TMEM132D: variants seen among roughly 807,000 people sequenced by gnomAD.
The protein encoded by TMEM132D is mature OL transmembrane protein.
In TMEM132D, 21 loss-of-function variants were observed where a neutral mutation model predicts 62.3. That is an observed-to-expected ratio of 0.34 (90% CI 0.24 to 0.49). The LOEUF (loss-of-function observed/expected upper bound fraction) is 0.49. TMEM132D is among the 20% of genes least tolerant of loss of function. TMEM132D has a pLI of 0.99. For synonymous variants in TMEM132D, 621 were observed against 575.6 expected, an observed-to-expected ratio of 1.08 and a Z score of -1.13; for missense variants, 1,346 against 1,402.8, an observed-to-expected ratio of 0.96 and a Z score of 0.65.
At chr12:129,889,579 A>T (rs770411295) in intron 1 of TMEM132D, among the ~76,000 whole-genome samples, 11 of 152,246 alleles carry the variant, frequency 7.2e-5, no homozygotes, top group Non-Finnish European at 1.6e-4. Context: ...ATATTATTAG[A>T]AAAGTTTTCC....
intron 2 of TMEM132D, among the ~76,000 whole-genome samples, chr12:129,646,965 AT>A (rs1879798934): frequency 1.3e-5 from 2 of 151,610 alleles, no homozygotes; most frequent in East Asian, 3.9e-4. Context: ...CGCTTGGCTA[AT>A]TTTTTGTATT....
intron 3 of TMEM132D, among the ~76,000 whole-genome samples, chr12:129,370,477 A>G (rs1870558461): frequency 6.6e-6 from 1 of 152,238 alleles, no homozygotes; most frequent in Non-Finnish European, 1.5e-5. Flanking sequence ...CCTTGCACAC[A>G]GAACAACTTG....
At chr12:129,355,068 A>G (rs1227923173) in intron 3 of TMEM132D, among the ~76,000 whole-genome samples, 1 of 152,190 alleles carries the variant, frequency 6.6e-6, no homozygotes, top group Non-Finnish European at 1.5e-5. Context: ...TTTGCCTTTA[A>G]AATCTTCTAC....
At chr12:129,514,651 A>T (rs1388190786) in intron 3 of TMEM132D, among the ~76,000 whole-genome samples, 1 of 152,206 alleles carries the variant, frequency 6.6e-6, no homozygotes, top group African/African-American at 2.4e-5. Flanking sequence ...AGGGCCTAAC[A>T]AAGTGTGTGG....
intron 4 of TMEM132D, among the ~76,000 whole-genome samples, chr12:129,281,570 A>G (rs764110789): frequency 1.7e-4 from 26 of 152,248 alleles, no homozygotes; most frequent in Non-Finnish European, 3.4e-4. Context: ...TTGGCATAAT[A>G]TGGTTAATCT....
chr12:129,826,023 T>C (rs1477527626), intron 1 of TMEM132D, among the ~76,000 whole-genome samples: 2 of 152,206 alleles, frequency 1.3e-5, no homozygotes, highest in Non-Finnish European at 2.9e-5. Flanking sequence ...GATTGCTTAC[T>C]GCACTCTAGT....
chr12:129,166,678 T>TACAC (rs1291888717), intron 5 of TMEM132D, among the ~76,000 whole-genome samples: 10 of 87,446 alleles, frequency 1.1e-4, no homozygotes, highest in Non-Finnish European at 8.2e-5. Context: ...CAAGGACATA[T>TACAC]ATATACACAT....
chr12:129,762,352 T>C (rs1157293438), intron 1 of TMEM132D, among the ~76,000 whole-genome samples: 2 of 152,000 alleles, frequency 1.3e-5, no homozygotes, highest in African/African-American at 4.8e-5. Flanking sequence ...AGATTGAATT[T>C]TTTAAAAAAA....
At chr12:129,111,187 T>A (rs989046957) in intron 5 of TMEM132D, 2 of 152,082 alleles carry the variant, frequency 1.3e-5, no homozygotes, top group African/African-American at 4.8e-5. Context: ...GAAAGATAAA[T>A]AGGGAAGCAA....
At chr12:129,264,987 G>A (rs1231835658) in intron 4 of TMEM132D, among the ~76,000 whole-genome samples, 3 of 152,064 alleles carry the variant, frequency 2.0e-5, no homozygotes, top group Non-Finnish European at 2.9e-5. Flanking sequence ...GGTGATGGGT[G>A]CACCAAAATC....
chr12:129,217,660 T>A (rs1879243403), intron 4 of TMEM132D, among the ~76,000 whole-genome samples: 1 of 152,168 alleles, frequency 6.6e-6, no homozygotes, highest in Non-Finnish European at 1.5e-5. Context: ...AAAGGGGAAT[T>A]TTGAAGAAAT....
At chr12:129,265,010 A>G (rs915991203) in intron 4 of TMEM132D, among the ~76,000 whole-genome samples, 1 of 152,214 alleles carries the variant, frequency 6.6e-6, no homozygotes, top group Non-Finnish European at 1.5e-5. Context: ...ACAAATCACC[A>G]CTAAAGACTT....
intron 4 of TMEM132D, among the ~76,000 whole-genome samples, chr12:129,297,887 T>A (rs1881616644): frequency 6.6e-6 from 1 of 152,160 alleles, no homozygotes; most frequent in South Asian, 2.1e-4. Context: ...ATCTTGAACA[T>A]GGTCAGACAC....
rs145052658 is a variant in TMEM132D, at chr12:129,137,726, G to T, written c.1444-53024C>A. On this transcript the variant is annotated intron_variant, in intron 5 of 8. Transcript: ENST00000422113. ...TTCATCCTTGGAATGTAGATCTGTG[G>T]CTGGAGGCATGATGGCTATCTTGCA... 3.5e-4 allele frequency among the ~76,000 whole-genome samples: 53 copies of T among 151,662 alleles called. No individual in the cohort carries two copies. In the East Asian group the frequency reaches 9.7e-3, roughly 28 times the overall value.
chr12:129,869,136 A>G (rs938058361), intron 1 of TMEM132D, among the ~76,000 whole-genome samples: 3 of 151,286 alleles, frequency 2.0e-5, no homozygotes, highest in Admixed American at 2.0e-4. Flanking sequence ...CCCATTATAC[A>G]TTGTCTTATG....
chr12:129,889,054 A>C (rs1874838405), intron 1 of TMEM132D, among the ~76,000 whole-genome samples: 1 of 152,182 alleles, frequency 6.6e-6, no homozygotes, highest in Non-Finnish European at 1.5e-5. Context: ...AGTTAGGATA[A>C]GATGTAATTC....
At chr12:129,550,754 C>G (rs1006177725) in intron 2 of TMEM132D, among the ~76,000 whole-genome samples, 2 of 152,150 alleles carry the variant, frequency 1.3e-5, no homozygotes, top group African/African-American at 4.8e-5. Context: ...CTCAGCTTTC[C>G]TCTCACTACT....
chr12:129,539,804 G>A (rs1035467447), intron 2 of TMEM132D, among the ~76,000 whole-genome samples: 5 of 152,150 alleles, frequency 3.3e-5, no homozygotes, highest in Non-Finnish European at 5.9e-5. Context: ...TTTGATCACA[G>A]ATCACCCTGG....
chr12:129,216,977 T>C (rs1414072582), intron 4 of TMEM132D, among the ~76,000 whole-genome samples: 1 of 152,236 alleles, frequency 6.6e-6, no homozygotes, highest in African/African-American at 2.4e-5. Context: ...TATTTTTTTG[T>C]AACGGGAAAA....
Sources: gnomAD v4.1 joint callset for allele counts (sites outside exome capture counted in the v4.1 genomes callset) on GRCh38, gnomAD v4.1.1 for gene constraint, MANE v1.5 for transcripts, NCBI Gene and HGNC (gene_info 2026-07-23, HGNC 2026-07-21) for gene names.